Variants in STK3 observed in about 807,000 individuals in gnomAD.
The protein encoded by STK3 is serine/threonine kinase 3, also known as serine/threonine-protein kinase 3.
STK3 carries 41 observed loss-of-function variants against 58.0 expected under a neutral mutation model. The ratio of observed to expected loss-of-function variants is 0.71; its 90% confidence interval spans 0.55 to 0.92. The LOEUF is 0.92. Ranked by LOEUF, STK3 falls within the 40% of genes least tolerant of loss-of-function variation. The pLI, the probability that STK3 is intolerant of heterozygous loss-of-function variation, is 0.00. For synonymous variants in STK3, 170 were observed against 191.0 expected (o/e 0.89, Z 0.91); for missense variants, 479 against 602.7 (o/e 0.79, Z 2.15).
chr8:98,936,385 C>T (rs1840198072), intron 1 of STK3, among the ~76,000 whole-genome samples: 1 of 152,144 alleles, frequency 6.6e-6, no homozygotes, highest in African/African-American at 2.4e-5. Context: ...ACTTGTACAT[C>T]TTCCCAGTAG....
At chr8:98,634,285 G>A (rs1819471313) in intron 6 of STK3, among the ~76,000 whole-genome samples, 1 of 152,146 alleles carries the variant, frequency 6.6e-6, no homozygotes, top group African/African-American at 2.4e-5. Flanking sequence ...CCAGGAGTTT[G>A]AGAACAGCCT....
intron 9 of STK3, among the ~76,000 whole-genome samples, chr8:98,530,354 G>C (rs1002662506): frequency 6.6e-6 from 1 of 152,088 alleles, no homozygotes; most frequent in African/African-American, 2.4e-5. Context: ...TTGTTCCCCA[G>C]ATGTGGCCAT....
intron 3 of STK3, among the ~76,000 whole-genome samples, chr8:98,864,002 C>T (rs1027140661): frequency 1.3e-5 from 2 of 151,998 alleles, no homozygotes; most frequent in African/African-American, 4.8e-5. Flanking sequence ...GGAGACCATC[C>T]TGGCTAACAC....
At chr8:98,510,117 T>G (rs1421014382) in intron 10 of STK3, among the ~76,000 whole-genome samples, 1 of 152,056 alleles carries the variant, frequency 6.6e-6, no homozygotes, top group Non-Finnish European at 1.5e-5. Context: ...AAGCAGAAAC[T>G]GGCAAAATAA....
chr8:98,529,245 CAG>C (rs888099097), intron 9 of STK3, among the ~76,000 whole-genome samples: 2 of 151,882 alleles, frequency 1.3e-5, no homozygotes, highest in African/African-American at 2.4e-5. Context: ...TGTGGCAAAT[CAG>C]AGAGTCCGGA....
At chr8:98,706,782 G>A in intron 5 of STK3, 148 bp from the exon 6 acceptor site, 1 of 949,622 alleles carries the variant, frequency 1.1e-6, no homozygotes, top group Non-Finnish European at 1.5e-6. Flanking sequence ...AACTAGTTAT[G>A]ACATACTTAG....
At chr8:98,464,557 A>G (rs1246129244) in intron 10 of STK3, among the ~76,000 whole-genome samples, 42 of 150,040 alleles carry the variant, frequency 2.8e-4, no homozygotes, top group African/African-American at 1.0e-3. Context: ...AAAAAAAAAA[A>G]AAAAAAAGAA....
rs533599155 is a variant in STK3, at chr8:98,656,892, A to C, written c.684+49575T>G. ...AGAGTTATATTCTGTCAATCTCTGA[A>C]TATCTAAACATATCTTTACTCTGAA... On this transcript the variant is annotated intron_variant, in intron 6 of 10. Transcript: ENST00000419617. Among the ~76,000 whole-genome samples, 9 of 152,270 alleles carry C rather than the reference A, an allele frequency of 5.9e-5. No individual in the cohort carries two copies. The South Asian group carries it at 1.2e-3, about 21-fold the overall frequency.
Position 98,410,115 on chromosome 8 carries a change from G to A in STK3, n.484-8602C>T, listed in dbSNP as rs746780437. Among the ~76,000 whole-genome samples the A allele has an allele frequency of 2.7e-4, 41 of 152,138 alleles. 1 individual carries two copies. Among genetic ancestry groups the A allele is most frequent in the Admixed American group, 6.5e-5 (1 of 15,272 alleles). On this transcript the variant is annotated intron_variant and non_coding_transcript_variant, in intron 3 of 3. Transcript: ENST00000517832. ...GATCTAGAGATAATGGAATATCTTG[G>A]TGGTTACTGCATTAAAAACCAGCTG...
chr8:98,928,042 T>C (rs1839866797), intron 1 of STK3, among the ~76,000 whole-genome samples: 1 of 152,214 alleles, frequency 6.6e-6, no homozygotes, highest in African/African-American at 2.4e-5. Flanking sequence ...CAGGCTTGTC[T>C]GTAGGGTACT....
intron 1 of STK3, among the ~76,000 whole-genome samples, chr8:98,916,840 A>G (rs1395894933): frequency 6.6e-6 from 1 of 152,210 alleles, no homozygotes; most frequent in East Asian, 1.9e-4. Context: ...CAAAGTAATT[A>G]AAAACAAAAC....
intron 6 of STK3, among the ~76,000 whole-genome samples, chr8:98,634,975 C>T (rs1019331622): frequency 2.0e-5 from 3 of 151,762 alleles, no homozygotes; most frequent in African/African-American, 7.3e-5. Flanking sequence ...TTTCATTCTC[C>T]CAAAGGAAAA....
intron 2 of STK3, among the ~76,000 whole-genome samples, chr8:98,769,179 T>C (rs1831134580): frequency 6.6e-6 from 1 of 152,246 alleles, no homozygotes; most frequent in African/African-American, 2.4e-5. Context: ...GAAGAAGTGT[T>C]TCCAAGGGAA....
chr8:98,575,570 C>G (rs563988801), intron 8 of STK3, among the ~76,000 whole-genome samples: 1 of 151,720 alleles, frequency 6.6e-6, no homozygotes, highest in South Asian at 2.1e-4. Flanking sequence ...GTCCTGGTCT[C>G]TGGTAACCAA....
At chr8:98,816,617 T>A (rs1834564876) in intron 1 of STK3, among the ~76,000 whole-genome samples, 1 of 151,572 alleles carries the variant, frequency 6.6e-6, no homozygotes, top group South Asian at 2.1e-4. Flanking sequence ...CACTGCAACC[T>A]CCACCTCCTG....
chr8:98,515,174 C>G (rs1044347717), intron 10 of STK3, among the ~76,000 whole-genome samples: 24 of 152,078 alleles, frequency 1.6e-4, no homozygotes, highest in African/African-American at 5.3e-4. Flanking sequence ...CAGTTCCTCT[C>G]TATGCTTCAC....
downstream of STK3, among the ~76,000 whole-genome samples, chr8:98,371,086 G>C (rs1817605536): frequency 6.6e-6 from 1 of 152,174 alleles, no homozygotes; most frequent in African/African-American, 2.4e-5. Flanking sequence ...ACCCAGGACA[G>C]AAAAGAAACA....
intron 6 of STK3, among the ~76,000 whole-genome samples, chr8:98,624,085 G>C (rs909168544): frequency 2.0e-5 from 3 of 152,176 alleles, no homozygotes; most frequent in African/African-American, 4.8e-5. Flanking sequence ...AAGGAGAGAT[G>C]GGGTAAAGAA....
Position 98,906,867 on chromosome 8 carries a change from G to C in STK3, c.-78-23033C>G, listed in dbSNP as rs533790620. The stretch of plus-strand genomic sequence containing the variant: ...CTTAAAAACAAAAAAATTATTACAG[G>C]CTGGGTGTGGAGGCTCACGCCTGTA... On this transcript the variant is annotated intron_variant, in intron 1 of 1. Transcript: ENST00000519420. Among the ~76,000 whole-genome samples, 16 of 152,128 alleles carry C rather than the reference G, an allele frequency of 1.1e-4. No individual in the cohort carries two copies. The South Asian group carries it at 3.1e-3, about 30-fold the overall frequency.
Sources: allele counts gnomAD v4.1 joint callset (sites outside exome capture counted in the v4.1 genomes callset), GRCh38; gene constraint gnomAD v4.1.1; transcripts MANE v1.5; gene names NCBI Gene and HGNC (gene_info 2026-07-23, HGNC 2026-07-21).